NSD2: variants seen among roughly 807,000 people sequenced by gnomAD.
NSD2 encodes the protein nuclear receptor binding SET domain protein 2, also known as histone-lysine N-methyltransferase NSD2.
Under a neutral mutation model 139.0 loss-of-function variants are expected in NSD2, and 12 were observed. The observed-to-expected ratio is 0.09, with a 90% CI of 0.06 to 0.14. The LOEUF is 0.14. NSD2 is among the 10% of genes least tolerant of loss of function. NSD2 has a pLI of 1.00. For missense variants in NSD2, 1,155 were observed against 1,745.0 expected (o/e 0.66, Z 6.02); for synonymous variants, 669 against 648.7 (o/e 1.03, Z -0.48).
chr4:1,912,907 A>C (rs902970036), intron 3 of NSD2, among the ~76,000 whole-genome samples: 8 of 152,206 alleles, frequency 5.3e-5, no homozygotes, highest in African/African-American at 1.4e-4. Context: ...CTATGTGGGC[A>C]GCAAGCCACC....
intron 2 of NSD2, among the ~76,000 whole-genome samples, chr4:1,903,269 G>A (rs1423759229): frequency 6.6e-6 from 1 of 152,182 alleles, no homozygotes; most frequent in East Asian, 1.9e-4. Context: ...TGGAGGGTTG[G>A]GGCCATGCTG....
At chr4:1,968,385 C>T (rs976947592) in intron 18 of NSD2, among the ~76,000 whole-genome samples, 7 of 152,152 alleles carry the variant, frequency 4.6e-5, no homozygotes, top group African/African-American at 1.7e-4. Context: ...ACAGGGAGCA[C>T]CGGGAGCGTG....
chr4:1,962,235 C>G (rs1725443316), intron 18 of NSD2, among the ~76,000 whole-genome samples: 1 of 151,898 alleles, frequency 6.6e-6, no homozygotes, highest in South Asian at 2.1e-4. Context: ...GGGGCTTACA[C>G]CTTTCAAAGA....
chr4:1,962,339 C>G (rs1458627110), intron 18 of NSD2, among the ~76,000 whole-genome samples: 3 of 152,198 alleles, frequency 2.0e-5, no homozygotes, highest in Non-Finnish European at 2.9e-5. Flanking sequence ...GAGCCTGAAT[C>G]TGGGATGAGG....
chr4:1,890,989 G>A (rs1436670895), intron 1 of NSD2, among the ~76,000 whole-genome samples: 4 of 151,980 alleles, frequency 2.6e-5, no homozygotes, highest in East Asian at 3.9e-4. Context: ...CACCTCACAG[G>A]CTGAAGTGGT....
In NSD2 at chr4:1,979,451, A is replaced by G. The variant is rs944085498; in HGVS notation, c.*542A>G. 2.1e-5 allele frequency: 5 copies of G among 233,312 alleles called. No individual in the cohort carries two copies. Among genetic ancestry groups the G allele is most frequent in the Non-Finnish European group, 4.2e-5 (5 of 118,116 alleles). 14.5% of individuals were successfully genotyped at this position (233,312 alleles called of 1,614,324 possible). On this transcript the variant is annotated 3_prime_UTR_variant, in exon 22 of 22. Coordinates refer to ENST00000508803, the MANE Select transcript of NSD2 (RefSeq NM_001042424.3). ...AATGGCTGTATCATTTTTTTGTACT[A>G]ATGTGAATTGTTCCTCAGAAACGCT...
At chr4:1,930,580 G>A (rs778165496) in intron 5 of NSD2, 46 bp from the exon 6 acceptor site, 2 of 1,549,620 alleles carry the variant, frequency 1.3e-6, no homozygotes, top group African/African-American at 1.4e-5. Context: ...AACCCAATGA[G>A]TTTTACGGAT....
chr4:1,910,341 G>A (rs969469879), intron 3 of NSD2, among the ~76,000 whole-genome samples: 6 of 151,444 alleles, frequency 4.0e-5, no homozygotes, highest in Non-Finnish European at 5.9e-5. Context: ...TTCTCCTGCC[G>A]CAGCCTCCCG....
At chr4:1,931,335 T>A (rs554803250) in intron 6 of NSD2, among the ~76,000 whole-genome samples, 59 of 152,182 alleles carry the variant, frequency 3.9e-4, no homozygotes, top group Non-Finnish European at 7.3e-4. Context: ...TCCTAGGCCT[T>A]CGGCTTAAAA....
chr4:1,946,956 G>T, intron 9 of NSD2: 1 of 1,060,604 alleles, frequency 9.4e-7, no homozygotes, highest in Non-Finnish European at 1.1e-6. Flanking sequence ...ATAACTCTCG[G>T]GTAATATTTT....
chr4:1,886,658 C>T (rs986566545), intron 1 of NSD2, among the ~76,000 whole-genome samples: 28 of 152,000 alleles, frequency 1.8e-4, no homozygotes, highest in Non-Finnish European at 3.1e-4. Flanking sequence ...GGTGGAACCC[C>T]GTCTCTACTA....
chr4:1,946,433 A>T, intron 9 of NSD2: 2 of 495,422 alleles, frequency 4.0e-6, no homozygotes, highest in South Asian at 9.0e-5. Flanking sequence ...ACACCTGGCT[A>T]TTTTTTTTTG....
chr4:1,976,584 G>A lies in NSD2; in HGVS notation c.3731G>A (p.Arg1244His), dbSNP rs1420066426. ...AGGCAGTCAGAGGACGAGTGCTTCC[G>A]CTGCGGTGATGGCGGGCAGCTGGTG... The part of the protein sequence containing the change: ...GKRQSEDECF[R>H]CGDGGQLVLC... Residue 1244 changes from arginine (R) to histidine (H), a missense_variant, in exon 21 of 22, where the codon CGC becomes CAC. Transcript: ENST00000508803. This position sits in a 1 kb window ranked among gnomAD's most constrained non-coding sequence, Gnocchi z 5.3. 2 of 1,612,764 alleles carry A rather than the reference G, an allele frequency of 1.2e-6. No individual in the cohort carries two copies. The highest frequency in any genetic ancestry group is 2.2e-5 in the South Asian group (2 of 90,742).
chr4:1,910,333 C>T (rs933076566), intron 3 of NSD2, among the ~76,000 whole-genome samples: 3 of 152,008 alleles, frequency 2.0e-5, no homozygotes, highest in African/African-American at 7.3e-5. Context: ...TCAAGTGATT[C>T]TCCTGCCGCA....
Position 1,978,817 on chromosome 4 carries a change from A to G in NSD2, c.4006A>G (p.Thr1336Ala). Residue 1336 changes from threonine (T) to alanine (A), a missense_variant, in exon 22 of 22, where the codon ACC becomes GCC. Thr to Ala is a moderately conservative substitution (Grantham distance 58). This residue lies in a region of NSD2 where 132 missense variants were observed against 94.3 expected (regional missense o/e 1.40). Transcript: ENST00000508803. ...HDLGAASVRSTKTEKPPPEPG... is the reference protein window; with the variant it reads ...HDLGAASVRSAKTEKPPPEPG... Reference sequence around the variant, plus strand: ...CTTAGGGGCGGCATCGGTCAGAAGCACCAAGACTGAGAAGCCCCCCCCAGA... The same window carrying G: ...CTTAGGGGCGGCATCGGTCAGAAGCGCCAAGACTGAGAAGCCCCCCCCAGA... 1.2e-6 allele frequency: 2 copies of G among 1,609,558 alleles called. No individual in the cohort carries two copies. Among genetic ancestry groups the G allele is most frequent in the Non-Finnish European group, 1.7e-6 (2 of 1,176,720 alleles).
chr4:1,970,617 C>A (rs768581055), intron 18 of NSD2, among the ~76,000 whole-genome samples: 2 of 152,074 alleles, frequency 1.3e-5, no homozygotes, highest in Admixed American at 6.5e-5. Flanking sequence ...CCAACACCGG[C>A]GAGCCAGAGC....
chr4:1,979,802 G>A lies in NSD2; in HGVS notation c.*893G>A, dbSNP rs978982315. 7 of 232,070 alleles carry A rather than the reference G, an allele frequency of 3.0e-5. No individual in the cohort carries two copies. The highest frequency in any genetic ancestry group is 1.2e-3 in the Middle Eastern group (1 of 804). The allele number at this position is 232,070 out of a possible 1,614,324, so 14.4% of individuals were successfully genotyped here. A position where few individuals can be genotyped will look rare whatever the true frequency, so the allele number is the denominator to read the frequency against. On this transcript the variant is annotated 3_prime_UTR_variant, in exon 22 of 22. Coordinates refer to ENST00000508803, the MANE Select transcript of NSD2 (RefSeq NM_001042424.3). ...TAAACCTATTTCACAAATCACCACCGACTGAAGTGTGTGTTTACTGATGCG... is the reference window on the plus strand; with the variant it reads ...TAAACCTATTTCACAAATCACCACCAACTGAAGTGTGTGTTTACTGATGCG...
At chr4:1,962,305 G>T (rs758376968) in intron 18 of NSD2, among the ~76,000 whole-genome samples, 1 of 152,246 alleles carries the variant, frequency 6.6e-6, no homozygotes, top group African/African-American at 2.4e-5. Context: ...GAAGTACCCA[G>T]AGGAGGTGTG....
rs184141980 is a variant in NSD2, at chr4:1,918,007, C to G, written c.928-134C>G. ...TGTTGACCAGGCTGGTCTTAAACTC[C>G]TGGCCTCAAGTGATCCATCTGCCTT... On this transcript the variant is annotated intron_variant, in intron 4 of 21. Coordinates refer to ENST00000508803, the MANE Select transcript of NSD2 (RefSeq NM_001042424.3). 1.2e-3 allele frequency: 1,316 copies of G among 1,090,932 alleles called. 11 individuals are homozygous for G. In the African/African-American group the frequency reaches 0.019, roughly 16 times the overall value. 67.6% of individuals were successfully genotyped at this position (1,090,932 alleles called of 1,614,324 possible).
Sources: gnomAD v4.1 joint callset for allele counts (sites outside exome capture counted in the v4.1 genomes callset) on GRCh38, gnomAD v4.1.1 for gene constraint, gnomAD v4.1.1 regional missense constraint, Gnocchi (gnomAD v3.1) non-coding constraint, MANE v1.5 for transcripts, NCBI Gene and HGNC (gene_info 2026-07-23, HGNC 2026-07-21) for gene names.